Variants in CBLB observed in about 807,000 individuals in gnomAD.
The protein encoded by CBLB is E3 ubiquitin-protein ligase CBL-B.
CBLB carries 31 observed loss-of-function variants against 104.9 expected under a neutral mutation model. The observed-to-expected ratio is 0.30, with a 90% confidence interval of 0.22 to 0.40. The LOEUF (loss-of-function observed/expected upper bound fraction) is 0.40, where lower values mean the gene tolerates loss of function less well. Ranked by LOEUF, CBLB falls within the 10% of genes least tolerant of loss-of-function variation. CBLB has a pLI of 1.00. For missense variants in CBLB, 1,062 were observed against 1,214.6 expected (o/e 0.87, Z 1.87); for synonymous variants, 440 against 422.6 (o/e 1.04, Z -0.51).
intron 3 of CBLB, among the ~76,000 whole-genome samples, chr3:105,823,569 A>G (rs931120027): frequency 6.6e-6 from 1 of 152,172 alleles, no homozygotes; most frequent in Admixed American, 6.6e-5. Context: ...TTCCAAATCA[A>G]TCATTCTATT....
intron 3 of CBLB, among the ~76,000 whole-genome samples, chr3:105,848,585 A>AT (rs1335769208): frequency 1.3e-5 from 2 of 152,120 alleles, no homozygotes; most frequent in Non-Finnish European, 1.5e-5. Flanking sequence ...CCTTAAATGT[A>AT]TAACAATCCG....
At chr3:105,848,721 T>A (rs2153110503) in intron 3 of CBLB, among the ~76,000 whole-genome samples, 1 of 152,242 alleles carries the variant, frequency 6.6e-6, no homozygotes, top group East Asian at 1.9e-4. Context: ...ATTAAGTCAA[T>A]TAACTCCAAA....
intron 18 of CBLB, among the ~76,000 whole-genome samples, chr3:105,668,567 TCTTTCTTTCTTGA>T (rs1201422675): frequency 2.0e-5 from 3 of 152,220 alleles, no homozygotes; most frequent in African/African-American, 7.2e-5. Context: ...TCAGATATTG[TCTTTCTTTCTTGA>T]CTTTCATGTT....
At position 105,704,033 on chromosome 3, in the gene CBLB, T is replaced by A; in HGVS notation, c.1548A>T (p.Lys516Asn). 6.2e-7 allele frequency: 1 copy of A among 1,614,164 alleles called. No homozygotes were observed. Among genetic ancestry groups the A allele is most frequent in the Non-Finnish European group, 8.5e-7 (1 of 1,180,010 alleles). ...PVPPRLDLIQ[K>N]GIVRSPCGSP... ...TGCCACAGGGAGATCTAACTATGCC[T>A]TTCTGAATTAGATCCAGGCGAGGAG... is the stretch of plus-strand genomic sequence containing the variant. Residue 516 changes from lysine to asparagine, a missense_variant, in exon 11 of 19, where the codon AAA becomes AAT. By Grantham distance (94) the Lys-to-Asn change is moderately conservative (BLOSUM62 0). Around this residue, in one of 2 missense-constraint regions of CBLB, gnomAD observed 605 missense variants for 582.6 expected, o/e 1.04. Coordinates refer to ENST00000394030, the MANE Select transcript of CBLB (RefSeq NM_170662.5).
chr3:105,801,839 T>C (rs867754036), intron 3 of CBLB, among the ~76,000 whole-genome samples: 1 of 152,200 alleles, frequency 6.6e-6, no homozygotes, highest in South Asian at 2.1e-4. Context: ...ACTTTAGAAA[T>C]GGTGACAAGC....
At position 105,845,825 on chromosome 3, in the gene CBLB, A is replaced by G. The variant is rs1232664117; in HGVS notation, c.419+7589T>C. Reference sequence around the variant, plus strand: ...TCATTTCCAAACTTTAGAAAAGTCTATTCACACCACTCAGATGCTTGAAAT... The same window carrying G: ...TCATTTCCAAACTTTAGAAAAGTCTGTTCACACCACTCAGATGCTTGAAAT... On this transcript the variant is annotated intron_variant, in intron 3 of 18. Transcript: ENST00000394030. Among the ~76,000 whole-genome samples, 3 of 152,126 alleles carry G rather than the reference A, an allele frequency of 2.0e-5. No individual in the cohort carries two copies. In the East Asian group the frequency reaches 5.8e-4, roughly 29 times the overall value.
At chr3:105,803,718 T>C (rs2083170239) in intron 3 of CBLB, among the ~76,000 whole-genome samples, 1 of 152,358 alleles carries the variant, frequency 6.6e-6, no homozygotes, top group South Asian at 2.1e-4. Flanking sequence ...AGTTGATTAA[T>C]ATAACAAAGT....
intron 18 of CBLB, 32 bp downstream of exon 18, chr3:105,670,201 G>A (rs766320191): frequency 6.3e-7 from 1 of 1,576,572 alleles, no homozygotes; most frequent in African/African-American, 1.3e-5. Context: ...ATAACAATAA[G>A]GTATTATTGT....
chr3:105,841,453 G>GAT (rs1240818688), intron 3 of CBLB, among the ~76,000 whole-genome samples: 60 of 151,504 alleles, frequency 4.0e-4, no homozygotes, highest in Middle Eastern at 6.8e-3. Context: ...CAGAAACCAA[G>GAT]ATATATATAT....
In CBLB at chr3:105,678,561, A is replaced by G; in HGVS notation, c.2439T>C (p.Ala813=). 1 of 1,613,252 alleles carries G rather than the reference A, an allele frequency of 6.2e-7. No individual in the cohort carries two copies. The highest frequency in any genetic ancestry group is 8.5e-7 in the Non-Finnish European group (1 of 1,179,518). ...DLLIPPLGED[A]FDALPPSLPP... Reference sequence around the variant, plus strand: ...GGAGAGATGGAGGGAGGGCATCAAAAGCATCTTCACCTGCATTTAAAGAAA... The same window carrying G: ...GGAGAGATGGAGGGAGGGCATCAAAGGCATCTTCACCTGCATTTAAAGAAA... The change falls in exon 17 of 19, where the codon GCT becomes GCC. Residue 813 remains alanine, a synonymous_variant. Coordinates refer to ENST00000394030, the MANE Select transcript of CBLB (RefSeq NM_170662.5).
rs113569947 is a variant in CBLB, at chr3:105,663,822, T to C, written c.2690-4593A>G. Among the ~76,000 whole-genome samples, 546 of 151,328 alleles carry C rather than the reference T, an allele frequency of 3.6e-3. 1 individual carries two copies. Among genetic ancestry groups the C allele is most frequent in the Non-Finnish European group, 5.9e-3 (400 of 67,978 alleles). ...TGGCCTTCCAAAGAGCCATGGTACA[T>C]AGAGATATACCTCTATCTCTATGTC... On this transcript the variant is annotated intron_variant, in intron 18 of 18. Coordinates refer to ENST00000394030, the MANE Select transcript of CBLB (RefSeq NM_170662.5).
At chr3:105,665,416 A>ATATATATATAT (rs2064298989) in intron 18 of CBLB, among the ~76,000 whole-genome samples, 1 of 98,652 alleles carries the variant, frequency 1.0e-5, no homozygotes, top group South Asian at 3.6e-4. Context: ...TAAATAAATA[A>ATATATATATAT]ATATATATAT....
At chr3:105,741,507 T>A (rs371201484) in intron 6 of CBLB, among the ~76,000 whole-genome samples, 6 of 152,168 alleles carry the variant, frequency 3.9e-5, no homozygotes, top group African/African-American at 1.4e-4. Flanking sequence ...GCTATTCTCC[T>A]GCTTCAGCCT....
intron 3 of CBLB, among the ~76,000 whole-genome samples, chr3:105,805,738 C>G (rs984719798): frequency 1.3e-5 from 2 of 152,194 alleles, no homozygotes; most frequent in African/African-American, 4.8e-5. Context: ...ATCCATTCAT[C>G]TCCTAGTGAA....
chr3:105,797,348 C>A (rs913842357), intron 3 of CBLB, among the ~76,000 whole-genome samples: 4 of 152,012 alleles, frequency 2.6e-5, no homozygotes, highest in African/African-American at 9.7e-5. Context: ...AACCAAATAC[C>A]ATATATCCTC....
chr3:105,789,386 A>G (rs1025885), intron 3 of CBLB, among the ~76,000 whole-genome samples: 2 of 152,192 alleles, frequency 1.3e-5, no homozygotes, highest in African/African-American at 4.8e-5. Flanking sequence ...AAATTTTACA[A>G]GTTCTGTATT....
intron 6 of CBLB, among the ~76,000 whole-genome samples, chr3:105,744,775 C>T (rs770613238): frequency 4.6e-5 from 7 of 151,866 alleles, no homozygotes; most frequent in Non-Finnish European, 7.4e-5. Context: ...ACTAAAAATA[C>T]AAAAAATAGC....
intron 3 of CBLB, among the ~76,000 whole-genome samples, chr3:105,779,976 C>T (rs2079978966): frequency 6.6e-6 from 1 of 151,780 alleles, no homozygotes. Flanking sequence ...GTCTCAGCCT[C>T]CCAAGTAGCT....
At chr3:105,729,873 A>T (rs527823223) in intron 9 of CBLB, among the ~76,000 whole-genome samples, 1 of 152,262 alleles carries the variant, frequency 6.6e-6, no homozygotes, top group South Asian at 2.1e-4. Flanking sequence ...AATGATCAAC[A>T]AACATTCCTG....
Sources: allele counts gnomAD v4.1 joint callset (sites outside exome capture counted in the v4.1 genomes callset), GRCh38; gene constraint gnomAD v4.1.1; regional missense constraint gnomAD v4.1.1; transcripts MANE v1.5; gene names NCBI Gene and HGNC (gene_info 2026-07-23, HGNC 2026-07-21).